The following DLGAP3 variants were observed in gnomAD, a reference collection of about 807,000 sequenced individuals.
DLGAP3 encodes the protein disks large-associated protein 3.
DLGAP3 carries 17 observed loss-of-function variants against 81.2 expected under a neutral mutation model. The ratio of observed to expected loss-of-function variants is 0.21; its 90% CI spans 0.14 to 0.31. DLGAP3 has a LOEUF of 0.31. DLGAP3 is among the 10% of genes least tolerant of loss of function. The pLI is 1.00. For synonymous variants in DLGAP3, 577 were observed against 587.4 expected, an observed-to-expected ratio of 0.98 and a Z score of 0.26; for missense variants, 1,124 against 1,388.0, an observed-to-expected ratio of 0.81 and a Z score of 3.02.
intron 5 of DLGAP3, among the ~76,000 whole-genome samples, chr1:34,899,412 G>A (rs1411185356): frequency 6.6e-6 from 1 of 152,210 alleles, no homozygotes; most frequent in Non-Finnish European, 1.5e-5. Context: ...AATCAGGCCT[G>A]TGAAGAGCCC....
At chr1:34,891,888 C>G (rs1356181051) in intron 5 of DLGAP3, among the ~76,000 whole-genome samples, 2 of 152,178 alleles carry the variant, frequency 1.3e-5, no homozygotes, top group East Asian at 3.8e-4. Flanking sequence ...AGATTTCATT[C>G]AGGGATTAAC....
chr1:34,910,146 C>G (rs1639617426), intron 1 of DLGAP3, among the ~76,000 whole-genome samples: 1 of 152,204 alleles, frequency 6.6e-6, no homozygotes, highest in African/African-American at 2.4e-5. Flanking sequence ...GATGTCAGTT[C>G]TGGCATCATC....
chr1:34,925,770 C>T (rs935520584), intron 1 of DLGAP3, among the ~76,000 whole-genome samples: 5 of 152,042 alleles, frequency 3.3e-5, no homozygotes, highest in African/African-American at 1.2e-4. Flanking sequence ...GGAGCTTGGG[C>T]CCCCGACACC....
chr1:34,876,625 C>A (rs1639062997), intron 8 of DLGAP3, among the ~76,000 whole-genome samples: 1 of 152,202 alleles, frequency 6.6e-6, no homozygotes, highest in Non-Finnish European at 1.5e-5. Flanking sequence ...ACGCCTGCAG[C>A]AGACAGGCCA....
chr1:34,922,468 C>T (rs2148421180), intron 1 of DLGAP3, among the ~76,000 whole-genome samples: 1 of 152,268 alleles, frequency 6.6e-6, no homozygotes, highest in Non-Finnish European at 1.5e-5. Context: ...GCATGCCCCA[C>T]ATACATGCTC....
intron 1 of DLGAP3, among the ~76,000 whole-genome samples, chr1:34,908,057 C>T (rs1021436742): frequency 4.6e-5 from 7 of 152,190 alleles, no homozygotes; most frequent in Admixed American, 4.6e-4. Context: ...CCTGGGTGTC[C>T]CCATGAAAGC....
At position 34,868,809 on chromosome 1, in the gene DLGAP3, C is replaced by A; in HGVS notation, c.2281G>T (p.Ala761Ser). The A allele has an allele frequency of 6.3e-7, 1 of 1,577,770 alleles. No individual in the cohort carries two copies. Among genetic ancestry groups the A allele is most frequent in the South Asian group, 1.1e-5 (1 of 88,788 alleles). Reference sequence around the variant, plus strand: ...CCGGCCCCAGGGCCGGGGGTGGGGGCGGGGGCAGGGCCGGGCGACCCATCG... The same window carrying A: ...CCGGCCCCAGGGCCGGGGGTGGGGGAGGGGGCAGGGCCGGGCGACCCATCG... ...ATDGSPGPAP[A>S]PTPGPGAGRR... Residue 761 changes from alanine (A) to serine (S), a missense_variant, in exon 9 of 12, where the codon GCC (alanine) becomes TCC (serine). Coordinates refer to ENST00000373347, the MANE Select transcript of DLGAP3 (RefSeq NM_001080418.3). This position sits in a 1 kb window ranked among gnomAD's most constrained non-coding sequence, Gnocchi z 7.5.
chr1:34,866,078 A>C lies in DLGAP3; in HGVS notation c.*5T>G. ...GCCCGGGCCGGGCTGGGCGGGCCGG[A>C]CCGGTCACAGCCTGGTCTGGGCCTC... On this transcript the variant is annotated 3_prime_UTR_variant, in exon 12 of 12. Coordinates refer to ENST00000373347, the MANE Select transcript of DLGAP3 (RefSeq NM_001080418.3). 1 of 1,593,334 alleles carries C rather than the reference A, an allele frequency of 6.3e-7. No individual in the cohort carries two copies.
rs1475401138 is a variant in DLGAP3 at position 34,905,392 on chromosome 1, C to T, written c.-9G>A. The T allele has an allele frequency of 6.5e-7, 1 of 1,550,312 alleles. No individual in the cohort carries two copies. Among genetic ancestry groups the T allele is most frequent in the Non-Finnish European group, 8.7e-7 (1 of 1,147,160 alleles). On this transcript the variant is annotated 5_prime_UTR_variant, in exon 3 of 12. Transcript: ENST00000373347. ...CCATGGTAACCCCTCATGGCCTCAG[C>T]AAAGGCTCTTCATAGTCTTGGGGGC...
At chr1:34,881,688 A>G (rs1639146858) in intron 8 of DLGAP3, among the ~76,000 whole-genome samples, 1 of 150,130 alleles carries the variant, frequency 6.7e-6, no homozygotes, top group South Asian at 2.1e-4. Flanking sequence ...CCAAACTGAC[A>G]ATGGGATCAA....
chr1:34,910,501 G>A (rs1258971694), intron 1 of DLGAP3, among the ~76,000 whole-genome samples: 3 of 152,156 alleles, frequency 2.0e-5, no homozygotes, highest in Non-Finnish European at 4.4e-5. Context: ...GCAGGGTCTG[G>A]CCCTTCCTAC....
chr1:34,888,579 T>C (rs1353422861), intron 5 of DLGAP3, among the ~76,000 whole-genome samples: 1 of 152,234 alleles, frequency 6.6e-6, no homozygotes, highest in Admixed American at 6.5e-5. Flanking sequence ...GTGGGCCTAC[T>C]AATTGAAAAG....
intron 1 of DLGAP3, among the ~76,000 whole-genome samples, chr1:34,924,687 G>A (rs1038987809): frequency 1.3e-5 from 2 of 152,134 alleles, no homozygotes; most frequent in Non-Finnish European, 2.9e-5. Context: ...CCCAGGAGAT[G>A]AGATCTCACA....
At chr1:34,901,397 C>T (rs968590046) in intron 3 of DLGAP3, among the ~76,000 whole-genome samples, 2 of 152,098 alleles carry the variant, frequency 1.3e-5, no homozygotes, top group East Asian at 1.9e-4. Flanking sequence ...TAAAAGGAGT[C>T]GATTATGTCA....
chr1:34,896,381 G>A (rs890085992), intron 5 of DLGAP3, among the ~76,000 whole-genome samples: 61 of 152,196 alleles, frequency 4.0e-4, no homozygotes, highest in Admixed American at 1.4e-3. Context: ...GATATCAGGA[G>A]TTGGGAACCA....
At chr1:34,911,644 T>C (rs924211129) in intron 1 of DLGAP3, among the ~76,000 whole-genome samples, 11 of 152,154 alleles carry the variant, frequency 7.2e-5, no homozygotes, top group African/African-American at 2.4e-4. Context: ...ATGGAAGAAG[T>C]GGCACAGATG....
intron 1 of DLGAP3, among the ~76,000 whole-genome samples, chr1:34,919,075 A>T (rs562535173): frequency 3.9e-5 from 6 of 152,128 alleles, no homozygotes; most frequent in Non-Finnish European, 8.8e-5. Context: ...TTTCGGCCCA[A>T]CCCCCATGCT....
chr1:34,869,071 G>T lies in DLGAP3; in HGVS notation c.2019C>A (p.Arg673=), dbSNP rs1471863451. 1 of 1,595,648 alleles carries T rather than the reference G, an allele frequency of 6.3e-7. No homozygotes were observed. The change falls in exon 9 of 12, where the codon CGC becomes CGA. Residue 673 remains arginine (R), a synonymous_variant. Coordinates refer to ENST00000373347, the MANE Select transcript of DLGAP3 (RefSeq NM_001080418.3). ...EEDKRRARFK[R]SNSVTAGVQA... is the part of the protein sequence containing the mutation. ...GCACGCCAGCCGTCACACTATTGGAGCGCTTGAACCTTGCTCGCCTGGGGA... is the reference window on the plus strand; with the variant it reads ...GCACGCCAGCCGTCACACTATTGGATCGCTTGAACCTTGCTCGCCTGGGGA...
chr1:34,893,312 TA>T (rs1159577997), intron 5 of DLGAP3, among the ~76,000 whole-genome samples: 1 of 151,162 alleles, frequency 6.6e-6, no homozygotes, highest in African/African-American at 2.4e-5. Flanking sequence ...GAAGTAAAAA[TA>T]AAAACATTTC....
Sources: gnomAD v4.1 joint callset for allele counts (sites outside exome capture counted in the v4.1 genomes callset) on GRCh38, gnomAD v4.1.1 for gene constraint, Gnocchi (gnomAD v3.1) non-coding constraint, MANE v1.5 for transcripts, NCBI Gene and HGNC (gene_info 2026-07-23, HGNC 2026-07-21) for gene names.